CSMD1: variants seen among roughly 807,000 people sequenced by gnomAD.
CSMD1 encodes CUB and sushi domain-containing protein 1.
A neutral mutation model predicts 417.5 loss-of-function variants in CSMD1; 213 were observed. That is an observed-to-expected ratio of 0.51 (90% CI 0.46 to 0.57). The LOEUF (loss-of-function observed/expected upper bound fraction) is 0.57, where lower values mean the gene tolerates loss of function less well. Ranked by LOEUF, CSMD1 falls within the 20% of genes least tolerant of loss-of-function variation. CSMD1 has a pLI of 0.00. For missense variants in CSMD1, 6,923 were observed against 4,529.7 expected, an observed-to-expected ratio of 1.53 and a Z score of -15.17; for synonymous variants, 2,862 against 1,736.8, an observed-to-expected ratio of 1.65 and a Z score of -16.11.
At chr8:3,729,107 C>T (rs1015727809) in intron 6 of CSMD1, among the ~76,000 whole-genome samples, 1 of 152,160 alleles carries the variant, frequency 6.6e-6, no homozygotes, top group Non-Finnish European at 1.5e-5. Context: ...GTAAAGGTTT[C>T]GAGCTAAAGT....
chr8:3,816,304 T>G (rs1053786914), intron 5 of CSMD1, among the ~76,000 whole-genome samples: 2 of 152,166 alleles, frequency 1.3e-5, no homozygotes, highest in Non-Finnish European at 2.9e-5. Flanking sequence ...CTCTGCAGTT[T>G]CCCTTGCTGT....
intron 50 of CSMD1, among the ~76,000 whole-genome samples, chr8:3,032,299 G>A (rs1377185453): frequency 2.0e-5 from 3 of 151,900 alleles, no homozygotes; most frequent in African/African-American, 7.3e-5. Context: ...CGTAATTTGG[G>A]AGGAGAAATC....
intron 3 of CSMD1, among the ~76,000 whole-genome samples, chr8:4,174,947 A>C (rs1170891491): frequency 1.3e-5 from 2 of 151,134 alleles, no homozygotes; most frequent in African/African-American, 4.9e-5. Context: ...TTAATATTGA[A>C]GTCTTTAAAA....
At chr8:4,957,255 C>T (rs1057510988) in intron 1 of CSMD1, among the ~76,000 whole-genome samples, 3 of 152,142 alleles carry the variant, frequency 2.0e-5, no homozygotes, top group Non-Finnish European at 4.4e-5. Context: ...CTTCAGGAAT[C>T]CTGGAGTCAG....
chr8:3,308,299 C>T lies in CSMD1; in HGVS notation c.3823+13G>A, dbSNP rs753455520. On this transcript the variant is annotated intron_variant, in intron 24 of 69. Coordinates refer to ENST00000635120, the MANE Select transcript of CSMD1 (RefSeq NM_033225.6). ...TGGCTTTTGCACAATGGTATGACTGCTTCCACACTCACCTATGCACGAAGG... is the reference window on the plus strand; with the variant it reads ...TGGCTTTTGCACAATGGTATGACTGTTTCCACACTCACCTATGCACGAAGG... The T allele has an allele frequency of 5.7e-6, 9 of 1,592,166 alleles. No individual in the cohort carries two copies. In the African/African-American group the frequency reaches 1.1e-4, roughly 19 times the overall value.
chr8:4,096,945 G>A (rs1028706867), intron 3 of CSMD1, among the ~76,000 whole-genome samples: 14 of 152,254 alleles, frequency 9.2e-5, no homozygotes, highest in South Asian at 2.1e-4. Context: ...AAAAACAAAC[G>A]CCATTTAGAT....
At chr8:3,456,631 T>C (rs1031702787) in intron 12 of CSMD1, among the ~76,000 whole-genome samples, 1 of 152,194 alleles carries the variant, frequency 6.6e-6, no homozygotes, top group Non-Finnish European at 1.5e-5. Context: ...GAAATAGTCC[T>C]AGTGGACGTG....
At chr8:3,440,429 A>C (rs943848562) in intron 12 of CSMD1, among the ~76,000 whole-genome samples, 4 of 152,194 alleles carry the variant, frequency 2.6e-5, no homozygotes, top group Admixed American at 6.5e-5. Flanking sequence ...ATTTTAAAGA[A>C]ATTGGGTGTT....
intron 3 of CSMD1, among the ~76,000 whole-genome samples, chr8:4,274,135 T>A (rs977806192): frequency 6.6e-6 from 1 of 152,180 alleles, no homozygotes; most frequent in Non-Finnish European, 1.5e-5. Context: ...ATCTTAGAAG[T>A]GACTCTAATA....
chr8:4,917,861 A>G (rs1344859989), intron 1 of CSMD1, among the ~76,000 whole-genome samples: 1 of 152,148 alleles, frequency 6.6e-6, no homozygotes, highest in Non-Finnish European at 1.5e-5. Context: ...AGACTGTAAC[A>G]TTTGAGATGG....
intron 1 of CSMD1, among the ~76,000 whole-genome samples, chr8:4,661,568 G>A (rs1804610178): frequency 6.6e-6 from 1 of 152,108 alleles, no homozygotes; most frequent in South Asian, 2.1e-4. Flanking sequence ...TCTCCAATGT[G>A]TTCATCTCAA....
chr8:3,898,907 G>C (rs1044410606), intron 5 of CSMD1, among the ~76,000 whole-genome samples: 30 of 152,190 alleles, frequency 2.0e-4, no homozygotes, highest in South Asian at 1.0e-3. Flanking sequence ...ATTTTAAACT[G>C]TAGTGACTCT....
intron 68 of CSMD1, among the ~76,000 whole-genome samples, chr8:2,948,578 G>T (rs982054455): frequency 3.9e-5 from 6 of 151,986 alleles, no homozygotes; most frequent in Admixed American, 3.9e-4. Context: ...TTGTTTCATA[G>T]GTAGTATAAT....
intron 12 of CSMD1, among the ~76,000 whole-genome samples, chr8:3,468,356 T>C (rs1350556434): frequency 6.6e-6 from 1 of 152,198 alleles, no homozygotes; most frequent in African/African-American, 2.4e-5. Context: ...ATTCACTATA[T>C]TGTCTTTTCT....
Position 4,199,853 on chromosome 8 carries a change from T to C in CSMD1, c.416-167754A>G, listed in dbSNP as rs1310081133. On this transcript the variant is annotated intron_variant, in intron 3 of 69. Transcript: ENST00000635120. ...AACAGCAGCAACAAAACTCTTCCTT[T>C]ACAAGGGCTTACCATGACAATATTT... Among the ~76,000 whole-genome samples the C allele has an allele frequency of 6.6e-5, 10 of 152,210 alleles. 1 individual carries two copies. In the South Asian group the frequency reaches 1.0e-3, roughly 16 times the overall value.
chr8:4,198,852 A>C (rs1477884868), intron 3 of CSMD1, among the ~76,000 whole-genome samples: 1 of 152,180 alleles, frequency 6.6e-6, no homozygotes, highest in Non-Finnish European at 1.5e-5. Flanking sequence ...GAGACAGCGC[A>C]ACAATATCAC....
At chr8:4,538,218 C>A (rs1041359890) in intron 2 of CSMD1, among the ~76,000 whole-genome samples, 3 of 145,966 alleles carry the variant, frequency 2.1e-5, no homozygotes, top group Non-Finnish European at 4.5e-5. Context: ...CTGCTATTTA[C>A]TGCCTTGATG....
chr8:3,209,583 T>G (rs1009777515), intron 30 of CSMD1, among the ~76,000 whole-genome samples: 4 of 152,144 alleles, frequency 2.6e-5, no homozygotes, highest in Non-Finnish European at 4.4e-5. Flanking sequence ...CCTCCCAAAG[T>G]GCTGGAATTA....
intron 10 of CSMD1, among the ~76,000 whole-genome samples, chr8:3,568,049 G>T (rs933728717): frequency 6.6e-6 from 1 of 151,986 alleles, no homozygotes; most frequent in African/African-American, 2.4e-5. Context: ...AATTACATGT[G>T]CTTCAGAGTA....
Sources: allele counts gnomAD v4.1 joint callset (sites outside exome capture counted in the v4.1 genomes callset), GRCh38; gene constraint gnomAD v4.1.1; transcripts MANE v1.5; gene names NCBI Gene and HGNC (gene_info 2026-07-23, HGNC 2026-07-21).